The following TMEM132D variants were observed in gnomAD, a reference collection of about 807,000 sequenced individuals.
The protein encoded by TMEM132D is mature OL transmembrane protein.
Under a neutral mutation model 62.3 loss-of-function variants are expected in TMEM132D, and 21 were observed. That is an observed-to-expected ratio of 0.34 (90% confidence interval 0.24 to 0.49). TMEM132D has a LOEUF of 0.49. TMEM132D is among the 20% of genes least tolerant of loss of function. The probability of loss-of-function intolerance (pLI) is 0.99; values close to 1 mark genes in which losing one functional copy is unlikely to be tolerated. For synonymous variants in TMEM132D, 621 were observed against 575.6 expected (o/e 1.08, Z -1.13); for missense variants, 1,346 against 1,402.8 (o/e 0.96, Z 0.65).
chr12:129,652,922 C>T (rs1879968226), intron 2 of TMEM132D, among the ~76,000 whole-genome samples: 2 of 152,326 alleles, frequency 1.3e-5, no homozygotes, highest in South Asian at 4.1e-4. Context: ...CACACCACAT[C>T]CCACCCACTG....
intron 2 of TMEM132D, among the ~76,000 whole-genome samples, chr12:129,588,738 C>CTTTT (rs1187924454): frequency 1.3e-4 from 5 of 38,732 alleles, no homozygotes; most frequent in African/African-American, 4.9e-4. Flanking sequence ...CCACGCCCAG[C>CTTTT]TATTTTTTTC....
intron 2 of TMEM132D, among the ~76,000 whole-genome samples, chr12:129,557,495 ACTGGAGTC>A (rs1877096824): frequency 6.6e-6 from 1 of 152,196 alleles, no homozygotes; most frequent in Non-Finnish European, 1.5e-5. Context: ...CAGGAAAATC[ACTGGAGTC>A]CAGGAGTTCA....
At chr12:129,099,079 G>T (rs575264489) in intron 5 of TMEM132D, among the ~76,000 whole-genome samples, 4 of 152,184 alleles carry the variant, frequency 2.6e-5, no homozygotes, top group Admixed American at 1.3e-4. Context: ...ATAGACTTTT[G>T]TCACAAAGCA....
Position 129,527,101 on chromosome 12 carries a change from G to A in TMEM132D, c.1115+3958C>T, listed in dbSNP as rs191923886. On this transcript the variant is annotated intron_variant, in intron 3 of 8. Coordinates refer to ENST00000422113, the MANE Select transcript of TMEM132D (RefSeq NM_133448.3). ...AGGCAGGTAGATTGCTTGGGCTCAG[G>A]AGTTTGAGACCAGCTTGGGCAACGG... Among the ~76,000 whole-genome samples, 223 of 152,302 alleles carry A rather than the reference G, an allele frequency of 1.5e-3. 1 individual carries two copies. In the South Asian group the frequency reaches 0.015, roughly 10 times the overall value.
chr12:129,741,483 A>T (rs1423570820), intron 1 of TMEM132D, among the ~76,000 whole-genome samples: 2 of 152,244 alleles, frequency 1.3e-5, no homozygotes, highest in Non-Finnish European at 2.9e-5. Flanking sequence ...GAGGAGTAGC[A>T]GGAAAATAAC....
chr12:129,790,338 T>C (rs974645494), intron 1 of TMEM132D, among the ~76,000 whole-genome samples: 12 of 152,286 alleles, frequency 7.9e-5, no homozygotes, highest in African/African-American at 2.4e-4. Context: ...AATTTTTGTC[T>C]GGCCTCTAGG....
intron 2 of TMEM132D, among the ~76,000 whole-genome samples, chr12:129,641,758 C>T (rs1245266350): frequency 6.6e-6 from 1 of 152,120 alleles, no homozygotes; most frequent in Non-Finnish European, 1.5e-5. Flanking sequence ...GGGGCTGAGA[C>T]AGGCTGAGAT....
intron 2 of TMEM132D, among the ~76,000 whole-genome samples, chr12:129,685,731 A>T: frequency 6.6e-6 from 1 of 152,224 alleles, no homozygotes; most frequent in East Asian, 1.9e-4. Context: ...AGCTGCAGAC[A>T]CAATGCCAGC....
intron 5 of TMEM132D, among the ~76,000 whole-genome samples, chr12:129,163,477 T>C (rs553074043): frequency 5.3e-5 from 8 of 152,154 alleles, no homozygotes; most frequent in Admixed American, 2.0e-4. Flanking sequence ...GATCTGGGGT[T>C]GGGTTTGGCC....
At chr12:129,828,854 C>T (rs1872746231) in intron 1 of TMEM132D, among the ~76,000 whole-genome samples, 1 of 137,268 alleles carries the variant, frequency 7.3e-6, no homozygotes, top group South Asian at 2.5e-4. Context: ...AAGGTATCCT[C>T]TAGAGGAAAA....
chr12:129,874,696 T>G (rs1874359393), intron 1 of TMEM132D, among the ~76,000 whole-genome samples: 2 of 124,368 alleles, frequency 1.6e-5, no homozygotes, highest in African/African-American at 5.8e-5. Context: ...TTTTTCACAT[T>G]TTTCTTTTTT....
chr12:129,725,640 T>C (rs1201418028), intron 1 of TMEM132D, among the ~76,000 whole-genome samples: 1 of 152,222 alleles, frequency 6.6e-6, no homozygotes, highest in Non-Finnish European at 1.5e-5. Flanking sequence ...TGTGCCAATA[T>C]ATGTATAAAC....
At chr12:129,451,510 T>A (rs1345286109) in intron 3 of TMEM132D, among the ~76,000 whole-genome samples, 1 of 152,156 alleles carries the variant, frequency 6.6e-6, no homozygotes, top group Non-Finnish European at 1.5e-5. Context: ...TGTAAATTAA[T>A]GAAATGTTGA....
Position 129,812,013 on chromosome 12 carries a change from C to T in TMEM132D, c.79+91248G>A, listed in dbSNP as rs749412649. 2.0e-5 allele frequency among the ~76,000 whole-genome samples: 3 copies of T among 151,926 alleles called. 1 individual carries two copies. The highest frequency in any genetic ancestry group is 6.8e-3 in the Middle Eastern group (2 of 292). ...AGAGACCCAGCTGAGCCCACCTGGA[C>T]GTCTGCCCTACAGAACTGGAGTTAA... is the stretch of plus-strand genomic sequence containing the variant. On this transcript the variant is annotated intron_variant, in intron 1 of 8. Transcript: ENST00000422113.
chr12:129,249,087 G>A (rs1880198207), intron 4 of TMEM132D, among the ~76,000 whole-genome samples: 1 of 152,162 alleles, frequency 6.6e-6, no homozygotes, highest in South Asian at 2.1e-4. Flanking sequence ...TCGGTGATCA[G>A]AGGAACTATC....
chr12:129,871,204 T>C (rs1874229914), intron 1 of TMEM132D, among the ~76,000 whole-genome samples: 2 of 152,172 alleles, frequency 1.3e-5, no homozygotes, highest in African/African-American at 4.8e-5. Flanking sequence ...GGTGCGCCCA[T>C]GCTCCTTTTC....
At chr12:129,560,682 C>T (rs546154154) in intron 2 of TMEM132D, among the ~76,000 whole-genome samples, 1 of 152,198 alleles carries the variant, frequency 6.6e-6, no homozygotes, top group Admixed American at 6.5e-5. Flanking sequence ...GTAGCTTATG[C>T]TGTGGTAACA....
intron 1 of TMEM132D, among the ~76,000 whole-genome samples, chr12:129,845,063 T>C (rs1004046416): frequency 3.9e-5 from 6 of 152,226 alleles, no homozygotes; most frequent in Admixed American, 3.9e-4. Context: ...TACCCTGTGT[T>C]TTCAAAACGA....
At chr12:129,567,842 A>G (rs1877410651) in intron 2 of TMEM132D, among the ~76,000 whole-genome samples, 1 of 152,208 alleles carries the variant, frequency 6.6e-6, no homozygotes, top group South Asian at 2.1e-4. Context: ...GACTTTGCAG[A>G]ATCTCCAATA....
Sources: gnomAD v4.1 joint callset for allele counts (sites outside exome capture counted in the v4.1 genomes callset) on GRCh38, gnomAD v4.1.1 for gene constraint, MANE v1.5 for transcripts, NCBI Gene and HGNC (gene_info 2026-07-23, HGNC 2026-07-21) for gene names.